CNTN6: variants seen among roughly 807,000 people sequenced by gnomAD.
The protein encoded by CNTN6 is contactin 6, also known as contactin-6.
A neutral mutation model predicts 122.8 loss-of-function variants in CNTN6; 137 were observed. That is an observed-to-expected ratio of 1.12 (90% CI 0.97 to 1.29). The LOEUF is 1.29. CNTN6 is among the 50% of genes most tolerant of loss of function. The probability of loss-of-function intolerance (pLI) is 0.00; values close to 1 mark genes in which losing one functional copy is unlikely to be tolerated. For missense variants in CNTN6, 1,634 were observed against 1,223.4 expected, an observed-to-expected ratio of 1.34 and a Z score of -5.01; for synonymous variants, 570 against 426.0, an observed-to-expected ratio of 1.34 and a Z score of -4.16.
intron 2 of CNTN6, among the ~76,000 whole-genome samples, chr3:1,198,998 T>C (rs969887114): frequency 1.8e-4 from 27 of 151,906 alleles, no homozygotes; most frequent in African/African-American, 5.6e-4. Flanking sequence ...GAGACAGAGA[T>C]TGAAATCATG....
intron 1 of CNTN6, among the ~76,000 whole-genome samples, chr3:1,108,827 T>G (rs1318103527): frequency 1.3e-5 from 2 of 152,094 alleles, no homozygotes; most frequent in Non-Finnish European, 2.9e-5. Context: ...TTTACTATTT[T>G]GTAAGGGTAA....
chr3:1,239,811 G>C (rs1269932277), intron 4 of CNTN6, among the ~76,000 whole-genome samples: 2 of 152,122 alleles, frequency 1.3e-5, no homozygotes, highest in Non-Finnish European at 2.9e-5. Context: ...ACATGGTACT[G>C]TTACAAAAAT....
chr3:1,262,384 G>T (rs2094860059), intron 4 of CNTN6, among the ~76,000 whole-genome samples: 2 of 152,248 alleles, frequency 1.3e-5, no homozygotes, highest in African/African-American at 4.8e-5. Context: ...CAGAGACTGG[G>T]ACACCTGTAG....
intron 11 of CNTN6, among the ~76,000 whole-genome samples, chr3:1,338,070 C>T (rs1349000405): frequency 6.6e-6 from 1 of 152,128 alleles, no homozygotes; most frequent in Admixed American, 6.6e-5. Flanking sequence ...TTTTACCCTG[C>T]TGCCTTGTGT....
chr3:1,214,211 T>C (rs1254025697), intron 2 of CNTN6, among the ~76,000 whole-genome samples: 1 of 151,994 alleles, frequency 6.6e-6, no homozygotes, highest in African/African-American at 2.4e-5. Context: ...AAGTGATCTC[T>C]TTAAGAATAA....
intron 1 of CNTN6, among the ~76,000 whole-genome samples, chr3:1,097,796 GTTATA>G (rs1271480458): frequency 1.3e-5 from 2 of 152,062 alleles, no homozygotes; most frequent in African/African-American, 4.8e-5. Flanking sequence ...TTTAGTTATT[GTTATA>G]TTATTATTGC....
intron 17 of CNTN6, among the ~76,000 whole-genome samples, chr3:1,382,668 T>C (rs1032978974): frequency 6.6e-6 from 1 of 152,194 alleles, no homozygotes; most frequent in African/African-American, 2.4e-5. Context: ...TGTTTTATTA[T>C]TATAATTTAT....
At chr3:1,251,235 T>C (rs1361770318) in intron 4 of CNTN6, among the ~76,000 whole-genome samples, 2 of 152,166 alleles carry the variant, frequency 1.3e-5, no homozygotes, top group Non-Finnish European at 1.5e-5. Flanking sequence ...AGATGACTCT[T>C]TTAAGACTTT....
chr3:1,382,347 T>G (rs1692026214), intron 17 of CNTN6, among the ~76,000 whole-genome samples: 1 of 152,234 alleles, frequency 6.6e-6, no homozygotes, highest in Admixed American at 6.5e-5. Flanking sequence ...TTATAGAATC[T>G]GATCTTTGTG....
intron 1 of CNTN6, chr3:1,128,158 C>T (rs901185556): frequency 6.6e-6 from 1 of 151,986 alleles, no homozygotes; most frequent in Non-Finnish European, 1.5e-5. Context: ...TCTTTTACCT[C>T]ATCCTTTTGA....
intron 1 of CNTN6, among the ~76,000 whole-genome samples, chr3:1,134,159 G>T (rs561519375): frequency 2.0e-5 from 3 of 152,132 alleles, no homozygotes; most frequent in Non-Finnish European, 2.9e-5. Context: ...CTTTTGATCC[G>T]TTACTTGAAG....
chr3:1,190,165 G>C (rs1256011612), intron 2 of CNTN6, among the ~76,000 whole-genome samples: 2 of 152,146 alleles, frequency 1.3e-5, no homozygotes, highest in Non-Finnish European at 2.9e-5. Flanking sequence ...ACAGGAGAAA[G>C]GGAGAGAGAA....
intron 11 of CNTN6, among the ~76,000 whole-genome samples, chr3:1,342,558 C>T (rs549269656): frequency 2.6e-4 from 40 of 152,096 alleles, no homozygotes; most frequent in Admixed American, 2.4e-3. Flanking sequence ...TTCCTACGGC[C>T]CATAAATATT....
intron 4 of CNTN6, among the ~76,000 whole-genome samples, chr3:1,268,746 G>A (rs2094971766): frequency 6.6e-6 from 1 of 151,928 alleles, no homozygotes; most frequent in African/African-American, 2.4e-5. Flanking sequence ...ACAGAAGTAA[G>A]TCCTGACTCA....
chr3:1,380,993 ACTCT>A (rs139404944), intron 17 of CNTN6, among the ~76,000 whole-genome samples: 5,138 of 152,064 alleles, frequency 0.034, 119 homozygotes, highest in South Asian at 0.055. Context: ...TAATCATTTG[ACTCT>A]CTGTTGATGT....
intron 12 of CNTN6, among the ~76,000 whole-genome samples, chr3:1,364,056 T>G (rs977756933): frequency 2.6e-5 from 4 of 152,076 alleles, no homozygotes; most frequent in African/African-American, 9.6e-5. Context: ...GTATGTCTTC[T>G]TTGGAAAACT....
intron 2 of CNTN6, among the ~76,000 whole-genome samples, chr3:1,185,882 G>A (rs1003504390): frequency 2.6e-5 from 4 of 152,126 alleles, no homozygotes; most frequent in Non-Finnish European, 5.9e-5. Flanking sequence ...TAATTTAAAA[G>A]ATCATTGTAA....
chr3:1,142,992 A>T (rs184578877), intron 1 of CNTN6, among the ~76,000 whole-genome samples: 1 of 127,492 alleles, frequency 7.8e-6, no homozygotes, highest in Non-Finnish European at 1.7e-5. Context: ...ATATATATAT[A>T]TATATATATA....
chr3:1,167,078 G>C (rs930895838), intron 2 of CNTN6, among the ~76,000 whole-genome samples: 1 of 150,824 alleles, frequency 6.6e-6, no homozygotes, highest in Non-Finnish European at 1.5e-5. Context: ...GTGGTTGTGA[G>C]AGAACAGTGC....
Sources: gnomAD v4.1 joint callset for allele counts (sites outside exome capture counted in the v4.1 genomes callset) on GRCh38, gnomAD v4.1.1 for gene constraint, MANE v1.5 for transcripts, NCBI Gene and HGNC (gene_info 2026-07-23, HGNC 2026-07-21) for gene names.